GDAP2: variants seen among roughly 807,000 people sequenced by gnomAD.
GDAP2 encodes ganglioside-induced differentiation-associated protein 2.
Under a neutral mutation model 67.0 loss-of-function variants are expected in GDAP2, and 51 were observed. The observed-to-expected ratio is 0.76, with a 90% CI of 0.61 to 0.96. The LOEUF (loss-of-function observed/expected upper bound fraction) is 0.96. Ranked by LOEUF, GDAP2 falls within the 40% of genes least tolerant of loss-of-function variation. The pLI is 0.00. For synonymous variants in GDAP2, 203 were observed against 207.3 expected (o/e 0.98, Z 0.18); for missense variants, 547 against 588.3 (o/e 0.93, Z 0.73).
rs1648159176 is a variant in GDAP2, at chr1:117,868,716, C to A, written c.*1853G>T. ...ACTGTAGAAGATGAAGTTAAAGTTG[C>A]AGACTTTTAAGGTACAGTGCCCAAG... On this transcript the variant is annotated 3_prime_UTR_variant, in exon 14 of 14. Transcript: ENST00000369443. 1 of 151,924 alleles carries A rather than the reference C, an allele frequency of 6.6e-6. No individual in the cohort carries two copies. The highest frequency in any genetic ancestry group is 2.4e-5 in the African/African-American group (1 of 41,364). 9.4% of individuals were successfully genotyped at this position (151,924 alleles called of 1,614,324 possible).
Position 117,866,907 on chromosome 1 carries a change from T to G in GDAP2, c.*3662A>C, listed in dbSNP as rs550293970. 5.3e-5 allele frequency: 8 copies of G among 150,078 alleles called. No individual in the cohort carries two copies. Among genetic ancestry groups the G allele is most frequent in the African/African-American group, 1.5e-4 (6 of 40,730 alleles). 9.3% of individuals were successfully genotyped at this position (150,078 alleles called of 1,614,324 possible). On this transcript the variant is annotated 3_prime_UTR_variant, in exon 14 of 14. Coordinates refer to ENST00000369443, the MANE Select transcript of GDAP2 (RefSeq NM_017686.4). ...AAAAAGAAAAAGAAACCTAACTAAC[T>G]CCAGTTTTCAAGGTGTTTTTATATT...
chr1:117,864,651 A>T lies in GDAP2; in HGVS notation c.*5918T>A, dbSNP rs975681759. On this transcript the variant is annotated 3_prime_UTR_variant, in exon 14 of 14. Coordinates refer to ENST00000369443, the MANE Select transcript of GDAP2 (RefSeq NM_017686.4). ...TGTGCAAGACATATAAACATAAAGC[A>T]TTTATACCTAGTTTTATGTTTATAT... 7 of 152,170 alleles carry T rather than the reference A, an allele frequency of 4.6e-5. No individual in the cohort carries two copies. The highest frequency in any genetic ancestry group is 1.7e-4 in the African/African-American group (7 of 41,466). The allele number at this position is 152,170 out of a possible 1,614,324, so 9.4% of individuals were successfully genotyped here.
intron 1 of GDAP2, among the ~76,000 whole-genome samples, chr1:117,922,192 T>C (rs1227636457): frequency 1.3e-5 from 2 of 152,114 alleles, no homozygotes; most frequent in Non-Finnish European, 2.9e-5. Context: ...TCTCAGCATA[T>C]GGATGGTATT....
chr1:117,927,170 T>G (rs922542616), intron 1 of GDAP2, among the ~76,000 whole-genome samples: 1 of 151,652 alleles, frequency 6.6e-6, no homozygotes, highest in Admixed American at 6.6e-5. Flanking sequence ...TATGTATCTT[T>G]TATAATTCAA....
intron 2 of GDAP2, 105 bp downstream of exon 2, chr1:117,920,077 A>T: frequency 1.5e-6 from 1 of 660,448 alleles, no homozygotes; most frequent in South Asian, 2.1e-5. Context: ...TCATATACGT[A>T]TACGCAAAGC....
At chr1:117,881,435 A>C (rs1273599225) in intron 12 of GDAP2, among the ~76,000 whole-genome samples, 1 of 152,196 alleles carries the variant, frequency 6.6e-6, no homozygotes, top group East Asian at 1.9e-4. Context: ...AAGGGGTTAC[A>C]ATGCTAGAAC....
At chr1:117,907,228 T>C (rs1649687133) in intron 5 of GDAP2, among the ~76,000 whole-genome samples, 1 of 152,200 alleles carries the variant, frequency 6.6e-6, no homozygotes, top group Admixed American at 6.5e-5. Context: ...TTAACACACA[T>C]GTCCTCATCT....
intron 5 of GDAP2, among the ~76,000 whole-genome samples, chr1:117,907,573 A>C (rs1649698564): frequency 1.3e-5 from 2 of 152,192 alleles, no homozygotes; most frequent in Non-Finnish European, 2.9e-5. Context: ...CCAATCATCC[A>C]AGCTAGAATC....
At chr1:117,878,870 A>G (rs1301744774) in intron 12 of GDAP2, among the ~76,000 whole-genome samples, 1 of 152,224 alleles carries the variant, frequency 6.6e-6, no homozygotes, top group Non-Finnish European at 1.5e-5. Context: ...AAATTAGTCC[A>G]TGTTTATCAA....
intron 1 of GDAP2, among the ~76,000 whole-genome samples, chr1:117,926,411 T>C (rs1650447844): frequency 6.6e-6 from 1 of 152,226 alleles, no homozygotes; most frequent in Admixed American, 6.5e-5. Flanking sequence ...TTTTAAGTAA[T>C]TGTGACCCAC....
chr1:117,904,617 A>G lies in GDAP2; in HGVS notation c.636+1889T>C, dbSNP rs534376807. ...AAAGACTTTTATTCTCTGTTCCTCT[A>G]AATCTGGGTCAGGTGTCATGGTAAG... On this transcript the variant is annotated intron_variant, in intron 6 of 13. Transcript: ENST00000369443. Among the ~76,000 whole-genome samples the G allele has an allele frequency of 1.5e-4, 23 of 152,332 alleles. No individual in the cohort carries two copies. In the South Asian group the frequency reaches 4.6e-3, roughly 30 times the overall value.
At chr1:117,901,845 C>T (rs1266838298) in intron 6 of GDAP2, among the ~76,000 whole-genome samples, 1 of 152,184 alleles carries the variant, frequency 6.6e-6, no homozygotes, top group African/African-American at 2.4e-5. Context: ...TAATCATTTC[C>T]GTATCTAACT....
chr1:117,879,472 A>AATGATG (rs967824286), intron 12 of GDAP2, among the ~76,000 whole-genome samples: 4 of 151,834 alleles, frequency 2.6e-5, no homozygotes, highest in African/African-American at 4.8e-5. Context: ...TAAGAATGAT[A>AATGATG]ATGATGATGA....
intron 13 of GDAP2, 45 bp downstream of exon 13, chr1:117,877,964 T>G (rs1241458777): frequency 6.2e-7 from 1 of 1,610,050 alleles, no homozygotes; most frequent in Admixed American, 1.7e-5. Context: ...TATAGAACAG[T>G]TAATATACCA....
chr1:117,887,811 C>T (rs779185401), intron 8 of GDAP2, 37 bp from the exon 9 acceptor site: 3 of 1,213,732 alleles, frequency 2.5e-6, no homozygotes, highest in Non-Finnish European at 3.6e-6. Context: ...ATAATAAACC[C>T]TTGGAAATTA....
intron 1 of GDAP2, among the ~76,000 whole-genome samples, chr1:117,922,886 T>G (rs1650307356): frequency 6.6e-6 from 1 of 152,340 alleles, no homozygotes; most frequent in South Asian, 2.1e-4. Context: ...CTGGGGGCGT[T>G]GCAGGAGACT....
At chr1:117,921,994 C>T (rs1319246060) in intron 1 of GDAP2, among the ~76,000 whole-genome samples, 4 of 151,592 alleles carry the variant, frequency 2.6e-5, no homozygotes, top group Non-Finnish European at 4.4e-5. Context: ...TGCTATTTAC[C>T]GAGAAGGGAA....
intron 6 of GDAP2, among the ~76,000 whole-genome samples, chr1:117,902,859 T>C (rs1344793001): frequency 6.6e-6 from 1 of 152,238 alleles, no homozygotes; most frequent in Non-Finnish European, 1.5e-5. Context: ...TGGTCAGTAC[T>C]GTTATCTTAA....
At chr1:117,908,828 A>AAAATAAAT (rs33997305) in intron 5 of GDAP2, among the ~76,000 whole-genome samples, 80 of 148,180 alleles carry the variant, frequency 5.4e-4, no homozygotes, top group East Asian at 3.1e-3. Flanking sequence ...CTATCTCAAA[A>AAAATAAAT]AAATAAATAA....
Sources: gnomAD v4.1 joint callset for allele counts (sites outside exome capture counted in the v4.1 genomes callset) on GRCh38, gnomAD v4.1.1 for gene constraint, MANE v1.5 for transcripts, NCBI Gene and HGNC (gene_info 2026-07-23, HGNC 2026-07-21) for gene names.